Variants in ELMO1 observed in about 807,000 individuals in gnomAD.
ELMO1 encodes engulfment and cell motility protein 1.
In ELMO1, 26 loss-of-function variants were observed where a neutral mutation model predicts 98.9. The observed-to-expected ratio is 0.26, with a 90% CI of 0.19 to 0.36. The LOEUF (loss-of-function observed/expected upper bound fraction) is 0.36, where lower values mean the gene tolerates loss of function less well. ELMO1 is among the 10% of genes least tolerant of loss of function. ELMO1 has a pLI of 1.00. For missense variants in ELMO1, 627 were observed against 935.2 expected (o/e 0.67, Z 4.30); for synonymous variants, 346 against 346.0 (o/e 1.00, Z 0.00).
intron 1 of ELMO1, among the ~76,000 whole-genome samples, chr7:37,385,800 G>T (rs141713142): frequency 4.6e-5 from 7 of 152,318 alleles, no homozygotes; most frequent in Admixed American, 3.9e-4. Flanking sequence ...ACGAAGGGGC[G>T]GCCAATCTGC....
chr7:37,075,148 T>A (rs1584604309), intron 15 of ELMO1, among the ~76,000 whole-genome samples: 1 of 122,866 alleles, frequency 8.1e-6, no homozygotes, highest in Admixed American at 7.8e-5. Context: ...TCATTTGGAA[T>A]TTTTTTTTTT....
intron 13 of ELMO1, among the ~76,000 whole-genome samples, chr7:37,179,030 TA>T (rs1163040402): frequency 6.6e-6 from 1 of 152,210 alleles, no homozygotes; most frequent in East Asian, 1.9e-4. Flanking sequence ...TTGGTTTTGA[TA>T]AATATACTTT....
At chr7:37,188,498 AAAAAATAAT>A (rs1487490402) in intron 13 of ELMO1, among the ~76,000 whole-genome samples, 1 of 42,460 alleles carries the variant, frequency 2.4e-5, no homozygotes. Context: ...AAAAAAAAAA[AAAAAATAAT>A]AATAATAATA....
intron 5 of ELMO1, chr7:37,271,226 A>G (rs1417313412): frequency 2.0e-5 from 3 of 152,940 alleles, no homozygotes; most frequent in African/African-American, 4.8e-5. Flanking sequence ...GGCATGAGCC[A>G]CCGCGCCCAG....
intron 13 of ELMO1, among the ~76,000 whole-genome samples, chr7:37,207,109 G>A (rs541812450): frequency 6.6e-6 from 1 of 152,322 alleles, no homozygotes; most frequent in African/African-American, 2.4e-5. Flanking sequence ...AAGCCATGGT[G>A]CACAGGTCTT....
At chr7:37,364,343 T>C (rs187410957) in intron 1 of ELMO1, among the ~76,000 whole-genome samples, 1 of 152,400 alleles carries the variant, frequency 6.6e-6, no homozygotes, top group East Asian at 1.9e-4. Flanking sequence ...GTTAAATCTA[T>C]GACTAAAATT....
intron 1 of ELMO1, among the ~76,000 whole-genome samples, chr7:37,399,423 T>C (rs1279989213): frequency 6.6e-6 from 1 of 152,136 alleles, no homozygotes; most frequent in African/African-American, 2.4e-5. Context: ...ATAAACCCAC[T>C]CTCAGGAAGC....
At chr7:37,141,041 A>G (rs894108520) in intron 13 of ELMO1, among the ~76,000 whole-genome samples, 7 of 152,260 alleles carry the variant, frequency 4.6e-5, no homozygotes, top group African/African-American at 1.7e-4. Context: ...GTATTTACCC[A>G]GAGGAAAAGA....
chr7:37,395,272 C>T (rs1167933086), intron 1 of ELMO1, among the ~76,000 whole-genome samples: 2 of 143,592 alleles, frequency 1.4e-5, no homozygotes, highest in African/African-American at 5.2e-5. Context: ...GAGGGTGAGG[C>T]AGGAGAATTG....
intron 13 of ELMO1, among the ~76,000 whole-genome samples, chr7:37,200,939 T>C (rs1418793576): frequency 7.2e-6 from 1 of 138,856 alleles, no homozygotes; most frequent in East Asian, 2.0e-4. Flanking sequence ...TGAGACTCTG[T>C]CTCAATAAAA....
chr7:36,984,181 G>A (rs1791318658), intron 16 of ELMO1, among the ~76,000 whole-genome samples: 1 of 152,130 alleles, frequency 6.6e-6, no homozygotes, highest in South Asian at 2.1e-4. Context: ...CGAGCATCGA[G>A]GTGTACTGAG....
intron 5 of ELMO1, among the ~76,000 whole-genome samples, chr7:37,265,699 CTT>C (rs1796205205): frequency 6.6e-6 from 1 of 152,106 alleles, no homozygotes; most frequent in Admixed American, 6.5e-5. Flanking sequence ...CCTTGAAACA[CTT>C]TGCTCACCTG....
At chr7:37,168,617 G>A (rs1276257284) in intron 13 of ELMO1, among the ~76,000 whole-genome samples, 1 of 152,172 alleles carries the variant, frequency 6.6e-6, no homozygotes, top group African/African-American at 2.4e-5. Context: ...GACCCTGTTT[G>A]CCTGGGTATC....
At chr7:36,993,698 A>G (rs1792014135) in intron 16 of ELMO1, among the ~76,000 whole-genome samples, 25 of 152,206 alleles carry the variant, frequency 1.6e-4, no homozygotes, top group Admixed American at 1.6e-3. Flanking sequence ...GAAGCTACTA[A>G]TTGCAGAAAA....
intron 13 of ELMO1, among the ~76,000 whole-genome samples, chr7:37,202,072 T>G (rs1792330209): frequency 6.6e-6 from 1 of 152,234 alleles, no homozygotes; most frequent in Non-Finnish European, 1.5e-5. Flanking sequence ...AGAGCTTCCC[T>G]GCAGAGCACC....
chr7:37,351,943 T>G (rs1180008865), intron 1 of ELMO1, among the ~76,000 whole-genome samples: 2 of 152,322 alleles, frequency 1.3e-5, no homozygotes, highest in Non-Finnish European at 2.9e-5. Flanking sequence ...AAGTCACGCA[T>G]GGATTGCAAG....
chr7:37,076,663 T>A (rs1217372483), intron 15 of ELMO1, among the ~76,000 whole-genome samples: 3 of 152,228 alleles, frequency 2.0e-5, no homozygotes, highest in Non-Finnish European at 4.4e-5. Context: ...TGGGGCTCCA[T>A]CCCACATAAA....
chr7:37,128,043 A>C lies in ELMO1; in HGVS notation c.1191+5087T>G, dbSNP rs550869737. On this transcript the variant is annotated intron_variant, in intron 14 of 21. Coordinates refer to ENST00000310758, the MANE Select transcript of ELMO1 (RefSeq NM_014800.11). ...CCCCATCTCTACTAAAAATACAAAA[A>C]TTAGCTGGGCATGGTGGTGCGTGCC... Among the ~76,000 whole-genome samples, 20 of 152,204 alleles carry C rather than the reference A, an allele frequency of 1.3e-4. 1 individual carries two copies. In the South Asian group the frequency reaches 4.1e-3, roughly 32 times the overall value.
intron 14 of ELMO1, among the ~76,000 whole-genome samples, chr7:37,121,584 T>C (rs547627231): frequency 5.8e-4 from 88 of 152,054 alleles, no homozygotes; most frequent in South Asian, 1.0e-3. Flanking sequence ...AAAAAAAGAA[T>C]AAAAAGAAAT....
Sources: allele counts gnomAD v4.1 joint callset (sites outside exome capture counted in the v4.1 genomes callset), GRCh38; gene constraint gnomAD v4.1.1; transcripts MANE v1.5; gene names NCBI Gene and HGNC (gene_info 2026-07-23, HGNC 2026-07-21).